Variants in PRDM16 observed in about 807,000 individuals in gnomAD.
PRDM16 encodes histone-lysine N-methyltransferase PRDM16.
Under a neutral mutation model 110.6 loss-of-function variants are expected in PRDM16, and 23 were observed. The ratio of observed to expected loss-of-function variants is 0.21; its 90% CI spans 0.15 to 0.29. PRDM16 has a LOEUF of 0.29. Among genes scored for constraint, PRDM16 ranks in the 10% least tolerant of loss-of-function variants. The pLI is 1.00. For synonymous variants in PRDM16, 799 were observed against 781.8 expected, an observed-to-expected ratio of 1.02 and a Z score of -0.37; for missense variants, 1,615 against 1,794.3, an observed-to-expected ratio of 0.90 and a Z score of 1.81.
intron 1 of PRDM16, among the ~76,000 whole-genome samples, chr1:3,091,931 C>T (rs1027770911): frequency 1.2e-4 from 18 of 152,304 alleles, no homozygotes; most frequent in Non-Finnish European, 1.6e-4. Context: ...CATCGCAGAA[C>T]CTGCCAGGAA....
At chr1:3,176,295 C>T (rs574264664) in intron 1 of PRDM16, among the ~76,000 whole-genome samples, 1 of 152,014 alleles carries the variant, frequency 6.6e-6, no homozygotes, top group East Asian at 1.9e-4. Context: ...TCCATCTATC[C>T]ATCTGTCCAT....
intron 1 of PRDM16, among the ~76,000 whole-genome samples, chr1:3,113,170 G>A (rs1313004477): frequency 6.6e-6 from 1 of 152,230 alleles, no homozygotes; most frequent in African/African-American, 2.4e-5. Flanking sequence ...ACTCCACGGA[G>A]GGGGCTGGAC....
intron 2 of PRDM16, among the ~76,000 whole-genome samples, chr1:3,193,866 G>A (rs1638382767): frequency 6.6e-6 from 1 of 152,174 alleles, no homozygotes; most frequent in Admixed American, 6.5e-5. Context: ...GTTGCCTGGG[G>A]AGCATGGGAA....
intron 1 of PRDM16, among the ~76,000 whole-genome samples, chr1:3,075,143 G>A (rs992247491): frequency 1.3e-5 from 2 of 152,388 alleles, no homozygotes; most frequent in African/African-American, 4.8e-5. Flanking sequence ...ACAATGCCCC[G>A]AGGCCTGAAG....
intron 2 of PRDM16, among the ~76,000 whole-genome samples, chr1:3,242,497 A>G (rs1639696913): frequency 6.6e-6 from 1 of 152,146 alleles, no homozygotes. Flanking sequence ...GAGTGAGGAG[A>G]GATTCCACCT....
chr1:3,324,831 G>A (rs955848065), intron 3 of PRDM16, among the ~76,000 whole-genome samples: 5 of 151,868 alleles, frequency 3.3e-5, no homozygotes, highest in African/African-American at 7.3e-5. Context: ...TCGGCGGGTC[G>A]TGGGCAGCAC....
At chr1:3,270,062 C>T (rs1245368943) in intron 3 of PRDM16, among the ~76,000 whole-genome samples, 1 of 147,234 alleles carries the variant, frequency 6.8e-6, no homozygotes, top group Non-Finnish European at 1.5e-5. Context: ...CGGAGGATGA[C>T]AGTCCCAGAG....
At chr1:3,161,652 G>T (rs957657459) in intron 1 of PRDM16, among the ~76,000 whole-genome samples, 1 of 152,234 alleles carries the variant, frequency 6.6e-6, no homozygotes, top group African/African-American at 2.4e-5. Context: ...CGCCCGGCGC[G>T]GAGAGGCCGG....
rs1642887571 is a variant in PRDM16, at chr1:3,370,544, A to G, written c.439-14608A>G. ...TTCCAGCCCCACCACCCACCAGAGG[A>G]GAGGAAGTGACCTGCGACGTGATAG... On this transcript the variant is annotated intron_variant, in intron 3 of 16. Transcript: ENST00000270722. The surrounding 1 kb of genome is among the most constrained non-coding windows in gnomAD (Gnocchi z 4.8). 6.6e-6 allele frequency among the ~76,000 whole-genome samples: 1 copy of G among 152,100 alleles called. No individual in the cohort carries two copies. Among genetic ancestry groups the G allele is most frequent in the African/African-American group, 2.4e-5 (1 of 41,390 alleles).
intron 6 of PRDM16, among the ~76,000 whole-genome samples, chr1:3,403,882 C>T (rs149239108): frequency 5.9e-5 from 9 of 152,342 alleles, no homozygotes; most frequent in East Asian, 1.9e-4. Flanking sequence ...ATCCCCGCAC[C>T]GCTCCCTGGG....
chr1:3,100,280 C>T (rs1410191060), intron 1 of PRDM16, among the ~76,000 whole-genome samples: 1 of 152,218 alleles, frequency 6.6e-6, no homozygotes, highest in Non-Finnish European at 1.5e-5. Flanking sequence ...GCAGCAACGC[C>T]ACATCACAGA....
intron 2 of PRDM16, among the ~76,000 whole-genome samples, chr1:3,194,280 C>T (rs569261436): frequency 3.9e-4 from 60 of 152,196 alleles, no homozygotes; most frequent in Non-Finnish European, 6.9e-4. Flanking sequence ...CAGAGGTGTT[C>T]ACTGGTACCT....
intron 3 of PRDM16, among the ~76,000 whole-genome samples, chr1:3,336,701 A>T (rs555535718): frequency 6.3e-4 from 90 of 142,226 alleles, no homozygotes; most frequent in African/African-American, 2.4e-3. Flanking sequence ...TGAATCTGTG[A>T]GCACATGCAT....
intron 3 of PRDM16, among the ~76,000 whole-genome samples, chr1:3,333,552 A>G (rs956352350): frequency 1.5e-4 from 23 of 152,302 alleles, no homozygotes; most frequent in Non-Finnish European, 2.9e-4. Flanking sequence ...TGCCCCTTTG[A>G]TGAGCACAGA....
chr1:3,100,262 T>A (rs1217843625), intron 1 of PRDM16, among the ~76,000 whole-genome samples: 1 of 152,168 alleles, frequency 6.6e-6, no homozygotes, highest in Non-Finnish European at 1.5e-5. Flanking sequence ...GGTAGATGGA[T>A]GCCTGTAGCA....
At chr1:3,273,276 C>T (rs563820122) in intron 3 of PRDM16, among the ~76,000 whole-genome samples, 9 of 152,244 alleles carry the variant, frequency 5.9e-5, no homozygotes, top group African/African-American at 2.2e-4. Flanking sequence ...GGATCACCAC[C>T]CCAGTGCCCA....
intron 3 of PRDM16, chr1:3,307,407 T>C (rs907912058): frequency 3.9e-5 from 6 of 152,350 alleles, no homozygotes; most frequent in Admixed American, 2.0e-4. Context: ...TGATCCTTCA[T>C]ACGTGTCATC....
At chr1:3,215,409 G>A (rs942595427) in intron 2 of PRDM16, among the ~76,000 whole-genome samples, 11 of 151,768 alleles carry the variant, frequency 7.2e-5, no homozygotes, top group Admixed American at 5.9e-4. Context: ...ATGGGTCCCG[G>A]GGACAGGCAA....
chr1:3,092,463 G>A (rs1373244419), intron 1 of PRDM16, among the ~76,000 whole-genome samples: 1 of 152,134 alleles, frequency 6.6e-6, no homozygotes, highest in African/African-American at 2.4e-5. Context: ...GCAGGTCTCA[G>A]GATCGGGGCA....
Sources: allele counts gnomAD v4.1 joint callset (sites outside exome capture counted in the v4.1 genomes callset), GRCh38; gene constraint gnomAD v4.1.1; non-coding constraint Gnocchi (gnomAD v3.1); transcripts MANE v1.5; gene names NCBI Gene and HGNC (gene_info 2026-07-23, HGNC 2026-07-21).